HIVEP3: variants seen among roughly 807,000 people sequenced by gnomAD.
HIVEP3 encodes transcription factor HIVEP3.
A neutral mutation model predicts 152.8 loss-of-function variants in HIVEP3; 49 were observed. That is an observed-to-expected ratio of 0.32 (90% CI 0.26 to 0.41). The LOEUF is 0.41. HIVEP3 is among the 10% of genes least tolerant of loss of function. The pLI, the probability that HIVEP3 is intolerant of heterozygous loss-of-function variation, is 1.00. For missense variants in HIVEP3, 2,790 were observed against 3,103.3 expected (o/e 0.90, Z 2.40); for synonymous variants, 1,269 against 1,289.0 (o/e 0.98, Z 0.33).
At chr1:41,545,212 CCACCACCACCATCGCTACCAT>C (rs1643722606) in intron 5 of HIVEP3, among the ~76,000 whole-genome samples, 2 of 135,390 alleles carry the variant, frequency 1.5e-5, no homozygotes, top group Admixed American at 7.4e-5. Context: ...ACCACTATCG[CCACCACCACCATCGCTACCAT>C]CACCACCACC....
chr1:41,527,168 A>C, intron 5 of HIVEP3, among the ~76,000 whole-genome samples: 2 of 83,238 alleles, frequency 2.4e-5, no homozygotes, highest in South Asian at 4.3e-4. Flanking sequence ...CCTCTCACAC[A>C]CCCACACACC....
At chr1:41,734,779 T>C (rs529149106) in intron 1 of HIVEP3, among the ~76,000 whole-genome samples, 10 of 152,184 alleles carry the variant, frequency 6.6e-5, no homozygotes, top group East Asian at 1.9e-4. Flanking sequence ...TGGGGCAGAA[T>C]AGAGGAAAAT....
At chr1:41,706,565 A>G (rs1646436984) in intron 1 of HIVEP3, among the ~76,000 whole-genome samples, 2 of 152,238 alleles carry the variant, frequency 1.3e-5, no homozygotes, top group African/African-American at 4.8e-5. Context: ...TACAGGCGTA[A>G]GCCACCGTGC....
chr1:41,987,832 G>A (rs1459203012), intron 1 of HIVEP3, among the ~76,000 whole-genome samples: 13 of 152,136 alleles, frequency 8.5e-5, no homozygotes, highest in Admixed American at 2.0e-4. Flanking sequence ...CAATTATGGC[G>A]GAAGGGGAAG....
chr1:41,878,877 C>T (rs2124423752), intron 1 of HIVEP3, among the ~76,000 whole-genome samples: 1 of 150,494 alleles, frequency 6.6e-6, no homozygotes, highest in South Asian at 2.1e-4. Context: ...TCCCTCCCTC[C>T]CCTCCTTCCT....
intron 5 of HIVEP3, among the ~76,000 whole-genome samples, chr1:41,527,517 GC>G (rs1643029626): frequency 3.8e-5 from 2 of 52,030 alleles, no homozygotes; most frequent in Admixed American, 2.0e-4. Flanking sequence ...ACACACCCCC[GC>G]CCTCACATGC....
intron 1 of HIVEP3, among the ~76,000 whole-genome samples, chr1:41,863,021 G>A (rs901674041): frequency 2.5e-4 from 38 of 152,356 alleles, no homozygotes; most frequent in African/African-American, 8.2e-4. Flanking sequence ...GACTTGAACA[G>A]TCTCAAATGC....
chr1:41,697,456 G>T (rs1040307972), intron 2 of HIVEP3, among the ~76,000 whole-genome samples: 1 of 152,154 alleles, frequency 6.6e-6, no homozygotes, highest in African/African-American at 2.4e-5. Flanking sequence ...TTAGCTCTGC[G>T]GGGCTCATGG....
intron 1 of HIVEP3, among the ~76,000 whole-genome samples, chr1:42,018,612 G>A (rs544810082): frequency 1.3e-5 from 2 of 152,120 alleles, no homozygotes; most frequent in South Asian, 4.1e-4. Context: ...ATATGCCTCT[G>A]ACATAAAAAT....
intron 1 of HIVEP3, among the ~76,000 whole-genome samples, chr1:41,946,490 T>C (rs1314156466): frequency 1.3e-5 from 2 of 152,212 alleles, no homozygotes; most frequent in Non-Finnish European, 2.9e-5. Flanking sequence ...AGCCAGTCAC[T>C]ACATACTTCT....
At chr1:42,013,956 T>C (rs1645506905) in intron 1 of HIVEP3, among the ~76,000 whole-genome samples, 1 of 152,150 alleles carries the variant, frequency 6.6e-6, no homozygotes, top group South Asian at 2.1e-4. Context: ...GTCAAAACTA[T>C]TTCCCCCCAA....
intron 1 of HIVEP3, among the ~76,000 whole-genome samples, chr1:41,914,855 C>T (rs900396823): frequency 1.3e-5 from 2 of 152,222 alleles, no homozygotes; most frequent in African/African-American, 4.8e-5. Context: ...GAATTAAAGT[C>T]ATCAAGTTGG....
chr1:41,573,428 A>T (rs567165718), intron 5 of HIVEP3, among the ~76,000 whole-genome samples: 7 of 152,306 alleles, frequency 4.6e-5, no homozygotes, highest in African/African-American at 1.7e-4. Flanking sequence ...CAGAAGTGAG[A>T]GTGGGAGGCA....
At chr1:41,653,754 G>A (rs1314022835) in intron 2 of HIVEP3, among the ~76,000 whole-genome samples, 1 of 152,044 alleles carries the variant, frequency 6.6e-6, no homozygotes, top group Non-Finnish European at 1.5e-5. Context: ...AAGCTGTGTG[G>A]CTCAGCAGTT....
Position 41,533,727 on chromosome 1 carries a change from C to T in HIVEP3, c.5208-8817G>A, listed in dbSNP as rs1002160540. On this transcript the variant is annotated intron_variant, in intron 5 of 8. Coordinates refer to ENST00000372583, the MANE Select transcript of HIVEP3 (RefSeq NM_024503.5). The surrounding 1 kb of genome is among the most constrained non-coding windows in gnomAD (Gnocchi z 4.3). Reference sequence around the variant, plus strand: ...TGCCGACATGGCCCCTGCCAGCCTCCGACCTGCACTCTTCTCACCACACAC... The same window carrying T: ...TGCCGACATGGCCCCTGCCAGCCTCTGACCTGCACTCTTCTCACCACACAC... Among the ~76,000 whole-genome samples, 5 of 152,098 alleles carry T rather than the reference C, an allele frequency of 3.3e-5. No individual in the cohort carries two copies. The highest frequency in any genetic ancestry group is 2.1e-4 in the South Asian group (1 of 4,812).
intron 2 of HIVEP3, among the ~76,000 whole-genome samples, chr1:41,683,306 C>A (rs1428942613): frequency 6.6e-6 from 1 of 152,228 alleles, no homozygotes; most frequent in African/African-American, 2.4e-5. Flanking sequence ...CTTCCACCAA[C>A]CCCAAAGTGG....
chr1:41,828,413 A>C (rs1642865061), intron 1 of HIVEP3, among the ~76,000 whole-genome samples: 1 of 152,244 alleles, frequency 6.6e-6, no homozygotes, highest in Non-Finnish European at 1.5e-5. Context: ...AACCGTCCAA[A>C]TGGCATTAGC....
At chr1:41,625,475 C>G (rs76438884) in intron 3 of HIVEP3, among the ~76,000 whole-genome samples, 4,128 of 152,292 alleles carry the variant, frequency 0.027, 212 homozygotes, top group African/African-American at 0.095. Context: ...TTGCCAATTC[C>G]TGATCTAGAA....
intron 1 of HIVEP3, among the ~76,000 whole-genome samples, chr1:41,757,242 A>C (rs1042772243): frequency 1.3e-5 from 2 of 151,616 alleles, no homozygotes; most frequent in African/African-American, 4.9e-5. Flanking sequence ...CAGCCTCCCG[A>C]GTAGCTGGGA....
Sources: allele counts gnomAD v4.1 joint callset (sites outside exome capture counted in the v4.1 genomes callset), GRCh38; gene constraint gnomAD v4.1.1; non-coding constraint Gnocchi (gnomAD v3.1); transcripts MANE v1.5; gene names NCBI Gene and HGNC (gene_info 2026-07-23, HGNC 2026-07-21).